The following SEMA6D variants were observed in gnomAD, a reference collection of about 807,000 sequenced individuals.
The protein encoded by SEMA6D is semaphorin-6D.
In SEMA6D, 35 loss-of-function variants were observed where a neutral mutation model predicts 106.6. The ratio of observed to expected loss-of-function variants is 0.33; its 90% CI spans 0.25 to 0.44. The LOEUF (loss-of-function observed/expected upper bound fraction) is 0.44. Ranked by LOEUF, SEMA6D falls within the 20% of genes least tolerant of loss-of-function variation. The probability of loss-of-function intolerance (pLI) is 1.00; values close to 1 mark genes in which losing one functional copy is unlikely to be tolerated. For synonymous variants in SEMA6D, 499 were observed against 487.7 expected (o/e 1.02, Z -0.31); for missense variants, 1,185 against 1,345.9 (o/e 0.88, Z 1.87).
intron 1 of SEMA6D, among the ~76,000 whole-genome samples, chr15:47,190,810 A>C (rs767791103): frequency 6.6e-6 from 1 of 152,184 alleles, no homozygotes; most frequent in African/African-American, 2.4e-5. Flanking sequence ...TTAAATGTCT[A>C]TCTTTTCTTA....
At chr15:47,625,922 A>G (rs1596474760) in intron 4 of SEMA6D, among the ~76,000 whole-genome samples, 2 of 152,066 alleles carry the variant, frequency 1.3e-5, no homozygotes, top group African/African-American at 2.4e-5. Flanking sequence ...TAAAGTAACC[A>G]TATCTTATTT....
intron 1 of SEMA6D, among the ~76,000 whole-genome samples, chr15:47,757,875 T>A (rs2081844670): frequency 1.3e-5 from 2 of 152,208 alleles, no homozygotes; most frequent in African/African-American, 4.8e-5. Context: ...ATTTCCTATG[T>A]GCCAGGCATT....
chr15:47,613,020 G>A (rs2076941207), intron 4 of SEMA6D, among the ~76,000 whole-genome samples: 1 of 152,128 alleles, frequency 6.6e-6, no homozygotes, highest in African/African-American at 2.4e-5. Context: ...ACTCTGTGGA[G>A]CCTACCATTA....
chr15:47,262,720 A>G (rs2034135686), intron 1 of SEMA6D, among the ~76,000 whole-genome samples: 1 of 152,176 alleles, frequency 6.6e-6, no homozygotes, highest in Non-Finnish European at 1.5e-5. Flanking sequence ...ATGGAACCAC[A>G]GAAGAGCCCT....
At chr15:47,211,563 C>T (rs1316278720) in intron 1 of SEMA6D, among the ~76,000 whole-genome samples, 1 of 151,994 alleles carries the variant, frequency 6.6e-6, no homozygotes, top group African/African-American at 2.4e-5. Flanking sequence ...CCTGAGTATC[C>T]TGTGGCATAA....
At chr15:47,594,354 G>A (rs903483081) in intron 3 of SEMA6D, among the ~76,000 whole-genome samples, 15 of 152,078 alleles carry the variant, frequency 9.9e-5, no homozygotes, top group African/African-American at 3.1e-4. Flanking sequence ...TACTTATTCT[G>A]AAAATGATTT....
chr15:47,413,325 C>T (rs887363507), intron 2 of SEMA6D, among the ~76,000 whole-genome samples: 1 of 151,932 alleles, frequency 6.6e-6, no homozygotes, highest in Non-Finnish European at 1.5e-5. Flanking sequence ...ATCTAGGCCT[C>T]GGTGGATTCT....
chr15:47,724,867 G>T (rs184517820), intron 1 of SEMA6D, among the ~76,000 whole-genome samples: 1 of 152,274 alleles, frequency 6.6e-6, no homozygotes, highest in Admixed American at 6.5e-5. Context: ...CCGTGATCAG[G>T]ACTAAAACCC....
chr15:47,765,781 T>C, intron 13 of SEMA6D, 88 bp from the exon 14 acceptor site: 7 of 1,273,750 alleles, frequency 5.5e-6, no homozygotes, highest in Non-Finnish European at 7.3e-6. Context: ...AGAATATTCC[T>C]TATGATTTCC....
intron 1 of SEMA6D, among the ~76,000 whole-genome samples, chr15:47,390,722 GA>G (rs1361163970): frequency 6.6e-6 from 1 of 152,196 alleles, no homozygotes; most frequent in Non-Finnish European, 1.5e-5. Context: ...CTTTTGTGAA[GA>G]CATTAGTAGG....
intron 3 of SEMA6D, among the ~76,000 whole-genome samples, chr15:47,587,221 C>T (rs1034842435): frequency 6.6e-6 from 1 of 152,076 alleles, no homozygotes; most frequent in Admixed American, 6.5e-5. Context: ...CCCCCTCTGC[C>T]CTACCTCACC....
At chr15:47,514,037 C>T (rs541668870) in intron 3 of SEMA6D, among the ~76,000 whole-genome samples, 7 of 152,212 alleles carry the variant, frequency 4.6e-5, no homozygotes, top group African/African-American at 1.7e-4. Flanking sequence ...ACCTTTACAC[C>T]CACTCTGCAT....
At chr15:47,564,545 T>G (rs2046173689) in intron 3 of SEMA6D, among the ~76,000 whole-genome samples, 1 of 152,170 alleles carries the variant, frequency 6.6e-6, no homozygotes, top group African/African-American at 2.4e-5. Context: ...CTATTTATAG[T>G]CTTCATCTAA....
At chr15:47,637,085 G>T (rs2077402515) in intron 4 of SEMA6D, among the ~76,000 whole-genome samples, 1 of 152,114 alleles carries the variant, frequency 6.6e-6, no homozygotes, top group South Asian at 2.1e-4. Context: ...CACATATTTG[G>T]CTCTGAGCAA....
intron 3 of SEMA6D, among the ~76,000 whole-genome samples, chr15:47,498,893 G>T (rs1455223130): frequency 2.0e-5 from 3 of 152,088 alleles, no homozygotes; most frequent in African/African-American, 7.2e-5. Context: ...ATTTCTAGTA[G>T]CCCTGCTCCT....
intron 1 of SEMA6D, among the ~76,000 whole-genome samples, chr15:47,259,145 C>A (rs775181750): frequency 6.6e-6 from 1 of 151,956 alleles, no homozygotes; most frequent in Non-Finnish European, 1.5e-5. Flanking sequence ...CATTTTGTTG[C>A]GTGTCAGATG....
At chr15:47,288,723 G>A (rs906285433) in intron 1 of SEMA6D, among the ~76,000 whole-genome samples, 2 of 152,128 alleles carry the variant, frequency 1.3e-5, no homozygotes, top group South Asian at 2.1e-4. Flanking sequence ...TGCAAGCAGA[G>A]GTCAGTTACT....
chr15:47,190,421 C>T (rs1244912322), intron 1 of SEMA6D, among the ~76,000 whole-genome samples: 1 of 152,188 alleles, frequency 6.6e-6, no homozygotes, highest in Non-Finnish European at 1.5e-5. Context: ...CTGTATTATT[C>T]TCTAATGGCA....
At chr15:47,282,775 C>T (rs1478378249) in intron 1 of SEMA6D, among the ~76,000 whole-genome samples, 2 of 152,130 alleles carry the variant, frequency 1.3e-5, no homozygotes, top group African/African-American at 4.8e-5. Context: ...GATGCCTTGT[C>T]TGTGTCTTTC....
Sources: gnomAD v4.1 joint callset for allele counts (sites outside exome capture counted in the v4.1 genomes callset) on GRCh38, gnomAD v4.1.1 for gene constraint, MANE v1.5 for transcripts, NCBI Gene and HGNC (gene_info 2026-07-23, HGNC 2026-07-21) for gene names.